The following RUVBL1 variants were observed in gnomAD, a reference collection of about 807,000 sequenced individuals.
RUVBL1 encodes ruvB-like 1.
In RUVBL1, 4 loss-of-function variants were observed where a neutral mutation model predicts 52.4. The ratio of observed to expected loss-of-function variants is 0.08; its 90% CI spans 0.04 to 0.17. The LOEUF (loss-of-function observed/expected upper bound fraction) is 0.17. Among genes scored for constraint, RUVBL1 ranks in the 10% least tolerant of loss-of-function variants. The pLI, the probability that RUVBL1 is intolerant of heterozygous loss-of-function variation, is 1.00. For missense variants in RUVBL1, 298 were observed against 572.8 expected, an observed-to-expected ratio of 0.52 and a Z score of 4.90; for synonymous variants, 217 against 214.4, an observed-to-expected ratio of 1.01 and a Z score of -0.10.
At chr3:128,147,999 G>A (rs925142138) in intron 1 of RUVBL1, among the ~76,000 whole-genome samples, 1 of 152,176 alleles carries the variant, frequency 6.6e-6, no homozygotes, top group African/African-American at 2.4e-5. Context: ...GGACCCCAAC[G>A]GTTACCTACT....
chr3:128,099,999 C>T (rs1943076016), intron 6 of RUVBL1, among the ~76,000 whole-genome samples: 1 of 152,140 alleles, frequency 6.6e-6, no homozygotes, highest in Non-Finnish European at 1.5e-5. Context: ...ATCTCTTGAC[C>T]AAAGCTCCAA....
intron 5 of RUVBL1, 96 bp from the exon 6 acceptor site, chr3:128,100,840 T>C (rs548029441): frequency 7.1e-7 from 1 of 1,417,406 alleles, no homozygotes; most frequent in African/African-American, 1.4e-5. Context: ...CAGTTCCCAC[T>C]GCAGGCCTGA....
intron 9 of RUVBL1, chr3:128,069,646 G>C: frequency 6.2e-7 from 1 of 1,614,100 alleles, no homozygotes; most frequent in Non-Finnish European, 8.5e-7. Flanking sequence ...GGCAGCATGG[G>C]GGCCCTGCTC....
Position 128,140,228 on chromosome 3 carries a change from G to GTTTTTTTTTTTTTTTTTTTTTTTTTT in RUVBL1, c.-40+12974_-40+12975insAAAAAAAAAAAAAAAAAAAAAAAAAA, listed in dbSNP as rs372296453. 3.7e-5 allele frequency among the ~76,000 whole-genome samples: 2 copies of GTTTTTTTTTTTTTTTTTTTTTTTTTT among 53,448 alleles called. 1 individual carries two copies. Among genetic ancestry groups the GTTTTTTTTTTTTTTTTTTTTTTTTTT allele is most frequent in the African/African-American group, 9.2e-5 (2 of 21,634 alleles). 35.1% of individuals were successfully genotyped at this position (53,448 alleles called of 152,430 possible). On this transcript the variant is annotated intron_variant, in intron 1 of 9. Transcript: ENST00000464873. ...TGATATGATACAAGTTTTTTTGTTT[G>GTTTTTTTTTTTTTTTTTTTTTTTTTT]TTTGTTTTTTTTTTTTTTGAGACGG...
chr3:128,142,593 T>A (rs968832594), intron 1 of RUVBL1, among the ~76,000 whole-genome samples: 1 of 152,210 alleles, frequency 6.6e-6, no homozygotes, highest in African/African-American at 2.4e-5. Context: ...TGGGTCTCAC[T>A]GGGCTAAAAT....
downstream of RUVBL1, among the ~76,000 whole-genome samples, chr3:128,079,546 A>G (rs1942415165): frequency 6.6e-6 from 1 of 152,156 alleles, no homozygotes; most frequent in African/African-American, 2.4e-5. Context: ...TTTGTCTAAC[A>G]TGGCTCGAGT....
At chr3:128,143,169 A>C (rs1944054942) in intron 1 of RUVBL1, among the ~76,000 whole-genome samples, 2 of 117,934 alleles carry the variant, frequency 1.7e-5, no homozygotes, top group Admixed American at 8.7e-5. Flanking sequence ...CAAGACCCTT[A>C]TCTATTTTTT....
In RUVBL1 at chr3:128,104,788, T is replaced by G; in HGVS notation, c.498A>C (p.Gly166=). ...ATGTACTCACTTTCAACTGTTTGGT[T>G]CCTTTGGCTGTTTTGAGTCCTATGA... is the stretch of plus-strand genomic sequence containing the variant. ...HVIIGLKTAK[G]TKQLKLDPSI... Residue 166 remains glycine, a synonymous_variant, in exon 4 of 11, where the codon GGA becomes GGC. Coordinates refer to ENST00000322623, the MANE Select transcript of RUVBL1 (RefSeq NM_003707.3). 1 of 1,609,576 alleles carries G rather than the reference T, an allele frequency of 6.2e-7. No individual in the cohort carries two copies. The highest frequency in any genetic ancestry group is 2.2e-5 in the East Asian group (1 of 44,666).
At chr3:128,121,385 T>C (rs945042514) in intron 1 of RUVBL1, among the ~76,000 whole-genome samples, 5 of 150,300 alleles carry the variant, frequency 3.3e-5, no homozygotes, top group African/African-American at 1.2e-4. Flanking sequence ...TGTGAGCCAC[T>C]ACGCCCGGCC....
At chr3:128,153,356 C>G in exon 1 of RUVBL1, 4 of 1,384,014 alleles carry the variant, frequency 2.9e-6, no homozygotes, top group Non-Finnish European at 3.7e-6. Context: ...CTCGGCTGTG[C>G]CCGTGAGCCT....
chr3:128,075,421 G>A (rs1167470786), intron 9 of RUVBL1, among the ~76,000 whole-genome samples: 10 of 152,196 alleles, frequency 6.6e-5, no homozygotes, highest in African/African-American at 2.4e-4. Flanking sequence ...TGTCGAGGTA[G>A]GTTTTCACGG....
exon 10 of RUVBL1, chr3:128,064,855 A>G: frequency 1.9e-6 from 3 of 1,564,778 alleles, no homozygotes; most frequent in Non-Finnish European, 2.6e-6. Context: ...TCCTTCATAT[A>G]TGTCTCCTCC....
intron 1 of RUVBL1, among the ~76,000 whole-genome samples, chr3:128,143,070 A>G (rs1435578636): frequency 6.6e-6 from 1 of 151,290 alleles, no homozygotes; most frequent in Non-Finnish European, 1.5e-5. Context: ...CCTGAGCCAC[A>G]GTGCCCAGAC....
exon 10 of RUVBL1, chr3:128,065,018 C>T: frequency 6.2e-7 from 1 of 1,614,236 alleles, no homozygotes; most frequent in Non-Finnish European, 8.5e-7. Context: ...TTTGTCTTTG[C>T]AGTGGTCATC....
chr3:128,125,840 C>T (rs1943781198), upstream of RUVBL1, among the ~76,000 whole-genome samples: 1 of 152,226 alleles, frequency 6.6e-6, no homozygotes. Context: ...CAATTCCTTT[C>T]TCTATATGGA....
chr3:128,097,648 C>T (rs911580453), intron 7 of RUVBL1, 150 bp from the exon 8 acceptor site: 14 of 692,172 alleles, frequency 2.0e-5, no homozygotes, highest in Non-Finnish European at 3.5e-5. Context: ...TGTCCCCACT[C>T]CAGGTTTCAG....
chr3:128,065,108 C>A (rs988823014), exon 10 of RUVBL1: 1 of 1,478,080 alleles, frequency 6.8e-7, no homozygotes, highest in Non-Finnish European at 9.5e-7. Context: ...TGTGTGCAGT[C>A]CCCCACTCTG....
intron 1 of RUVBL1, among the ~76,000 whole-genome samples, chr3:128,142,689 G>A (rs184570528): frequency 1.2e-4 from 19 of 152,236 alleles, no homozygotes; most frequent in Non-Finnish European, 2.8e-4. Flanking sequence ...CCACATGCCT[G>A]GACTCAGGTC....
rs149719226 is a variant in RUVBL1 at position 128,069,663 on chromosome 3, G to A, written c.940-4443C>T. The A allele has an allele frequency of 2.0e-4, 317 of 1,613,920 alleles. 1 individual carries two copies. In the African/African-American group the frequency reaches 4.0e-3, roughly 20 times the overall value. Reference sequence around the variant, plus strand: ...CAGCATGGGGGCCCTGCTCTTCTGAGCCCGTCTCCCGGACAGGTTGAGGAA... The same window carrying A: ...CAGCATGGGGGCCCTGCTCTTCTGAACCCGTCTCCCGGACAGGTTGAGGAA... On this transcript the variant is annotated intron_variant, in intron 9 of 9. Transcript: ENST00000464873.
Sources: allele counts gnomAD v4.1 joint callset (sites outside exome capture counted in the v4.1 genomes callset), GRCh38; gene constraint gnomAD v4.1.1; transcripts MANE v1.5; gene names NCBI Gene and HGNC (gene_info 2026-07-23, HGNC 2026-07-21).